The following C1orf87 variants were observed in gnomAD, a reference collection of about 807,000 sequenced individuals.
C1orf87 encodes the protein uncharacterized protein C1orf87.
A neutral mutation model predicts 60.5 loss-of-function variants in C1orf87; 58 were observed. The observed-to-expected ratio is 0.96, with a 90% confidence interval of 0.78 to 1.19. The LOEUF is 1.19. Ranked by LOEUF, C1orf87 falls within the 50% of genes most tolerant of loss-of-function variation. The probability of loss-of-function intolerance (pLI) is 0.00; values close to 1 mark genes in which losing one functional copy is unlikely to be tolerated. For missense variants in C1orf87, 673 were observed against 638.6 expected, an observed-to-expected ratio of 1.05 and a Z score of -0.58; for synonymous variants, 236 against 227.4, an observed-to-expected ratio of 1.04 and a Z score of -0.34.
At chr1:60,059,296 G>A (rs1421423292) in intron 2 of C1orf87, among the ~76,000 whole-genome samples, 1 of 152,116 alleles carries the variant, frequency 6.6e-6, no homozygotes, top group Non-Finnish European at 1.5e-5. Context: ...GGGGAAAAAC[G>A]CCATCAATAC....
At chr1:59,993,590 CTA>C (rs1192032682) in intron 11 of C1orf87, among the ~76,000 whole-genome samples, 1 of 151,892 alleles carries the variant, frequency 6.6e-6, no homozygotes, top group Non-Finnish European at 1.5e-5. Flanking sequence ...TAGAAGATGC[CTA>C]GAGTCAAACA....
At chr1:60,017,936 A>G (rs1454096591) in intron 8 of C1orf87, among the ~76,000 whole-genome samples, 3 of 152,230 alleles carry the variant, frequency 2.0e-5, no homozygotes, top group African/African-American at 7.2e-5. Context: ...ACAACATGAC[A>G]GTTTAAGGAG....
intron 8 of C1orf87, among the ~76,000 whole-genome samples, chr1:60,022,091 C>T (rs898777807): frequency 6.8e-6 from 1 of 146,730 alleles, no homozygotes; most frequent in South Asian, 2.2e-4. Flanking sequence ...GGGGGAGCAA[C>T]TCTTATAGAG....
intron 7 of C1orf87, among the ~76,000 whole-genome samples, chr1:60,029,310 T>TTA (rs1645220392): frequency 1.3e-5 from 2 of 152,186 alleles, no homozygotes; most frequent in African/African-American, 4.8e-5. Context: ...CCTGGATTAT[T>TTA]GAAACAGCCT....
intron 2 of C1orf87, among the ~76,000 whole-genome samples, chr1:60,064,261 T>A (rs931420546): frequency 6.3e-5 from 9 of 143,930 alleles, no homozygotes; most frequent in Admixed American, 5.0e-4. Flanking sequence ...ATATATATAT[T>A]TTATATATCA....
At chr1:60,065,860 T>A (rs1645542704) in intron 2 of C1orf87, among the ~76,000 whole-genome samples, 1 of 152,170 alleles carries the variant, frequency 6.6e-6, no homozygotes, top group African/African-American at 2.4e-5. Context: ...ATTACAGGTA[T>A]ACCTCAGTGA....
intron 9 of C1orf87, among the ~76,000 whole-genome samples, chr1:60,002,124 T>C (rs1029442222): frequency 2.6e-5 from 4 of 152,116 alleles, no homozygotes; most frequent in Non-Finnish European, 5.9e-5. Flanking sequence ...AACAAATGTA[T>C]ATTATTTCTA....
chr1:60,058,670 A>G (rs1370444733), intron 2 of C1orf87, among the ~76,000 whole-genome samples: 3 of 152,176 alleles, frequency 2.0e-5, no homozygotes, highest in Non-Finnish European at 2.9e-5. Flanking sequence ...AGGCCAGGAA[A>G]GTTGATGTGA....
At chr1:60,013,377 C>T (rs1438717323) in intron 8 of C1orf87, among the ~76,000 whole-genome samples, 7 of 152,096 alleles carry the variant, frequency 4.6e-5, no homozygotes, top group South Asian at 2.1e-4. Context: ...ATTGATTCCT[C>T]GTTACCTCTT....
At chr1:60,031,109 C>T (rs1290643190) in intron 7 of C1orf87, among the ~76,000 whole-genome samples, 1 of 152,130 alleles carries the variant, frequency 6.6e-6, no homozygotes, top group Non-Finnish European at 1.5e-5. Context: ...TTCAGAGCTA[C>T]TTGTCAAAAC....
Position 60,052,047 on chromosome 1 carries a change from T to C in C1orf87, c.342+3157A>G, listed in dbSNP as rs540703182. 5.9e-5 allele frequency among the ~76,000 whole-genome samples: 9 copies of C among 152,296 alleles called. No homozygotes were observed. In the East Asian group the frequency reaches 1.7e-3, roughly 29 times the overall value. On this transcript the variant is annotated intron_variant, in intron 3 of 11. Coordinates refer to ENST00000371201, the MANE Select transcript of C1orf87 (RefSeq NM_152377.3). ...TCCTTGACATCTGTCTATTCATCTA[T>C]AAAATAAAGATAACATCATGTGCCT...
rs145218793 is a variant in C1orf87 at position 60,033,411 on chromosome 1, C to T, written c.1029+65G>A. On this transcript the variant is annotated intron_variant, in intron 7 of 11. Transcript: ENST00000371201. ...TATGGATCAGCCCTGTGCCTTATTG[C>T]TATAGACCCAATGCCCTGAAGTGGC... 516 of 1,484,898 alleles carry T rather than the reference C, an allele frequency of 3.5e-4. 4 individuals carry two copies. In the East Asian group the frequency reaches 0.01, roughly 30 times the overall value. The allele number at this position is 1,484,898 out of a possible 1,614,324, so 92.0% of individuals were successfully genotyped here.
chr1:60,047,429 C>A (rs981802336), intron 3 of C1orf87, among the ~76,000 whole-genome samples: 6 of 152,028 alleles, frequency 3.9e-5, no homozygotes, highest in African/African-American at 4.8e-5. Flanking sequence ...GATCCTGAGT[C>A]TTTTTTGACC....
At position 60,029,670 on chromosome 1, in the gene C1orf87, T is replaced by C. The variant is rs1311101846; in HGVS notation, c.1029+3806A>G. Among the ~76,000 whole-genome samples, 5 of 134,724 alleles carry C rather than the reference T, an allele frequency of 3.7e-5. No homozygotes were observed. In the Admixed American group the frequency reaches 4.1e-4, roughly 11 times the overall value. The allele number at this position is 134,724 out of a possible 152,430, so 88.4% of individuals were successfully genotyped here. A position where few individuals can be genotyped will look rare whatever the true frequency, so the allele number is the denominator to read the frequency against. On this transcript the variant is annotated intron_variant, in intron 7 of 11. Coordinates refer to ENST00000371201, the MANE Select transcript of C1orf87 (RefSeq NM_152377.3). ...TTTTTTTTTTTTTTTAGATGGAGTC[T>C]TGCTCTGTCACCCAGGCTGGAGTGC...
rs74085877 is a variant in C1orf87 at position 60,027,422 on chromosome 1, C to A, written c.1030-1924G>T. Among the ~76,000 whole-genome samples, 1,433 of 152,324 alleles carry A rather than the reference C, an allele frequency of 9.4e-3. 30 individuals are homozygous for A. The highest frequency in any genetic ancestry group is 0.033 in the African/African-American group (1,360 of 41,570). On this transcript the variant is annotated intron_variant, in intron 7 of 11. Transcript: ENST00000371201. Reference sequence around the variant, plus strand: ...GCCCACATTCCCCTCACTCTCTCTGCCTCCTGACAGAACCTGGCGCTTCCT... The same window carrying A: ...GCCCACATTCCCCTCACTCTCTCTGACTCCTGACAGAACCTGGCGCTTCCT...
chr1:60,011,727 T>C (rs1292610623), intron 8 of C1orf87, among the ~76,000 whole-genome samples: 1 of 152,124 alleles, frequency 6.6e-6, no homozygotes, highest in South Asian at 2.1e-4. Flanking sequence ...CATATGACTT[T>C]ATTATCTTTA....
intron 3 of C1orf87, among the ~76,000 whole-genome samples, chr1:60,048,723 T>C (rs1366179982): frequency 6.6e-6 from 1 of 152,080 alleles, no homozygotes; most frequent in Non-Finnish European, 1.5e-5. Context: ...CACTTTTTAA[T>C]AATGTTCTTA....
intron 9 of C1orf87, among the ~76,000 whole-genome samples, chr1:60,005,764 C>G (rs1645040100): frequency 1.4e-5 from 2 of 146,582 alleles, no homozygotes; most frequent in South Asian, 4.2e-4. Context: ...GTGACTGAAG[C>G]TGATTCGTGT....
chr1:60,040,309 A>G, intron 4 of C1orf87, 129 bp from the exon 5 acceptor site: 1 of 1,168,040 alleles, frequency 8.6e-7, no homozygotes, highest in Admixed American at 2.5e-5. Context: ...GGAGCAGGAC[A>G]AGTCTGTGGC....
Sources: allele counts gnomAD v4.1 joint callset (sites outside exome capture counted in the v4.1 genomes callset), GRCh38; gene constraint gnomAD v4.1.1; transcripts MANE v1.5; gene names NCBI Gene and HGNC (gene_info 2026-07-23, HGNC 2026-07-21).